Variants in AKAP12 observed in about 807,000 individuals in gnomAD.
The protein encoded by AKAP12 is A-kinase anchoring protein 12.
AKAP12 carries 32 observed loss-of-function variants against 79.9 expected under a neutral mutation model. The observed-to-expected ratio is 0.40, with a 90% CI of 0.30 to 0.54. The LOEUF is 0.54. Among genes scored for constraint, AKAP12 ranks in the 20% least tolerant of loss-of-function variants. The probability of loss-of-function intolerance (pLI) is 0.48; values close to 1 mark genes in which losing one functional copy is unlikely to be tolerated. For synonymous variants in AKAP12, 808 were observed against 857.0 expected, an observed-to-expected ratio of 0.94 and a Z score of 1.00; for missense variants, 2,074 against 2,177.0, an observed-to-expected ratio of 0.95 and a Z score of 0.94.
At chr6:151,287,741 TCTA>T (rs764295634) in intron 2 of AKAP12, among the ~76,000 whole-genome samples, 54 of 152,266 alleles carry the variant, frequency 3.5e-4, no homozygotes, top group Non-Finnish European at 5.9e-4. Flanking sequence ...TATAAATCAT[TCTA>T]CTATAAAGAC....
intron 3 of AKAP12, among the ~76,000 whole-genome samples, chr6:151,337,524 A>AAAAAAAAAAG (rs535027217): frequency 0.013 from 1,683 of 129,552 alleles, 85 homozygotes; most frequent in African/African-American, 0.052. Flanking sequence ...AAAAAAAAAA[A>AAAAAAAAAAG]AAAGAAAGAA....
chr6:151,357,882 T>G lies in AKAP12; in HGVS notation c.*2168T>G, dbSNP rs1222729801. On this transcript the variant is annotated 3_prime_UTR_variant, in exon 5 of 5. Transcript: ENST00000402676. ...TGCTGTTTTGAACAGATTAAAGATTTGTGTAGTTTGTGGGAAATTGACGTT... is the reference window on the plus strand; with the variant it reads ...TGCTGTTTTGAACAGATTAAAGATTGGTGTAGTTTGTGGGAAATTGACGTT... The G allele has an allele frequency of 6.6e-6, 1 of 152,100 alleles. No homozygotes were observed. Among genetic ancestry groups the G allele is most frequent in the Non-Finnish European group, 1.5e-5 (1 of 68,016 alleles). The allele number at this position is 152,100 out of a possible 1,614,324, so 9.4% of individuals were successfully genotyped here.
intron 2 of AKAP12, among the ~76,000 whole-genome samples, chr6:151,284,444 G>A (rs1562720921): frequency 6.6e-6 from 1 of 152,152 alleles, no homozygotes; most frequent in Admixed American, 6.5e-5. Context: ...TGGGCAACAT[G>A]GCGAAACCCT....
At chr6:151,266,438 C>T (rs1303569715) in intron 2 of AKAP12, among the ~76,000 whole-genome samples, 1 of 151,966 alleles carries the variant, frequency 6.6e-6, no homozygotes, top group Non-Finnish European at 1.5e-5. Context: ...TTGAAGATGG[C>T]GTAAGGAGGA....
chr6:151,319,190 T>C (rs1038808946), intron 3 of AKAP12, among the ~76,000 whole-genome samples: 3 of 152,138 alleles, frequency 2.0e-5, no homozygotes, highest in African/African-American at 4.8e-5. Flanking sequence ...AACAATTCCT[T>C]TGAGGAACTA....
chr6:151,348,697 C>CCCCTCT lies in AKAP12; in HGVS notation c.320-14_320-13insCCCTCT. 10 of 650,664 alleles carry CCCCTCT rather than the reference C, an allele frequency of 1.5e-5. No individual in the cohort carries two copies. The highest frequency in any genetic ancestry group is 2.5e-5 in the South Asian group (1 of 40,482). The allele number at this position is 650,664 out of a possible 1,614,324, so 40.3% of individuals were successfully genotyped here. ...TTCTCTTCTCCCCACCCCCCCGCCC[C>CCCCTCT]TTTTTGTTAATAGTTGGACAGAGAG... is the stretch of plus-strand genomic sequence containing the variant. On this transcript the variant is annotated splice_polypyrimidine_tract_variant and intron_variant, in intron 3 of 4. Coordinates refer to ENST00000402676, the MANE Select transcript of AKAP12 (RefSeq NM_005100.4).
intron 2 of AKAP12, among the ~76,000 whole-genome samples, chr6:151,301,837 T>A (rs1776868494): frequency 6.6e-6 from 1 of 152,114 alleles, no homozygotes; most frequent in African/African-American, 2.4e-5. Flanking sequence ...TAATAATGTA[T>A]CTACGGCCTT....
In AKAP12 at chr6:151,349,454, C is replaced by A. The variant is rs1325792293; in HGVS notation, c.1063C>A (p.Gln355Lys). 1.9e-6 allele frequency: 3 copies of A among 1,606,306 alleles called. No homozygotes were observed. The highest frequency in any genetic ancestry group is 2.5e-6 in the Non-Finnish European group (3 of 1,177,836). ...CTCCGAGAAACTGACCGCCTCCGAG[C>A]AAGCCCACCCACAGGAGCCGGCAGA... ...VASEKLTASEQAHPQEPAESA... is the reference protein window; with the variant it reads ...VASEKLTASEKAHPQEPAESA... Residue 355 changes from glutamine to lysine, a missense_variant, in exon 4 of 5, where the codon CAA becomes AAA. Physicochemically the swap from Gln to Lys is moderately conservative, Grantham distance 53 (BLOSUM62 1). This residue lies in a region of AKAP12 where 1,428 missense variants were observed against 1,451.0 expected (regional missense o/e 0.98). Coordinates refer to ENST00000402676, the MANE Select transcript of AKAP12 (RefSeq NM_005100.4).
At chr6:151,312,530 G>A (rs550110054) in intron 3 of AKAP12, among the ~76,000 whole-genome samples, 28 of 149,670 alleles carry the variant, frequency 1.9e-4, no homozygotes, top group Middle Eastern at 3.7e-3. Context: ...GGTGGCTCAC[G>A]CCTGTAATCC....
intron 3 of AKAP12, among the ~76,000 whole-genome samples, chr6:151,320,245 G>A (rs555961745): frequency 4.9e-4 from 75 of 151,814 alleles, no homozygotes; most frequent in Admixed American, 8.5e-4. Flanking sequence ...TGCCCACTCC[G>A]AGGCCTCTCC....
At chr6:151,258,802 A>G (rs1391236441) in intron 2 of AKAP12, among the ~76,000 whole-genome samples, 1 of 150,976 alleles carries the variant, frequency 6.6e-6, no homozygotes, top group African/African-American at 2.4e-5. Flanking sequence ...TAATTTTTGT[A>G]TTTTTAGTAG....
chr6:151,258,538 A>G (rs1427131426), intron 2 of AKAP12, among the ~76,000 whole-genome samples: 2 of 152,204 alleles, frequency 1.3e-5, no homozygotes, highest in African/African-American at 2.4e-5. Context: ...CTAAAAATCA[A>G]CATAGGGCTA....
intron 2 of AKAP12, among the ~76,000 whole-genome samples, chr6:151,292,138 G>C (rs1434200525): frequency 6.6e-6 from 1 of 152,202 alleles, no homozygotes; most frequent in Non-Finnish European, 1.5e-5. Context: ...TTTGGTGATT[G>C]TGCTACAAAT....
intron 2 of AKAP12, among the ~76,000 whole-genome samples, chr6:151,283,392 A>G (rs753949029): frequency 2.0e-5 from 3 of 152,228 alleles, no homozygotes; most frequent in Non-Finnish European, 4.4e-5. Flanking sequence ...AGGCTTTTCC[A>G]ACGAGGATGC....
chr6:151,313,800 A>G (rs191765972), intron 3 of AKAP12, among the ~76,000 whole-genome samples: 68 of 152,234 alleles, frequency 4.5e-4, no homozygotes, highest in African/African-American at 1.5e-3. Context: ...CGTGATCTTG[A>G]TTTGAATACA....
At chr6:151,340,828 T>C (rs1777925868) in intron 3 of AKAP12, among the ~76,000 whole-genome samples, 2 of 152,286 alleles carry the variant, frequency 1.3e-5, no homozygotes, top group East Asian at 1.9e-4. Flanking sequence ...TTGCAGAACG[T>C]CCTTCATTGT....
At chr6:151,297,429 C>T (rs1025146422) in intron 2 of AKAP12, among the ~76,000 whole-genome samples, 4 of 151,734 alleles carry the variant, frequency 2.6e-5, no homozygotes, top group Non-Finnish European at 5.9e-5. Flanking sequence ...AAAAATTAGC[C>T]GGGTGTGGTG....
At chr6:151,344,823 C>T (rs949778174) in intron 3 of AKAP12, among the ~76,000 whole-genome samples, 4 of 152,136 alleles carry the variant, frequency 2.6e-5, no homozygotes, top group East Asian at 1.9e-4. Context: ...GATGAGCCAC[C>T]TCGCCCAGCC....
At chr6:151,316,552 C>T (rs781324038) in intron 3 of AKAP12, among the ~76,000 whole-genome samples, 14 of 152,116 alleles carry the variant, frequency 9.2e-5, no homozygotes, top group Non-Finnish European at 1.6e-4. Context: ...CGCAGACGGC[C>T]GCCTTCTCAC....
Sources: allele counts gnomAD v4.1 joint callset (sites outside exome capture counted in the v4.1 genomes callset), GRCh38; gene constraint gnomAD v4.1.1; regional missense constraint gnomAD v4.1.1; transcripts MANE v1.5; gene names NCBI Gene and HGNC (gene_info 2026-07-23, HGNC 2026-07-21).